Variants in CHID1 observed in about 807,000 individuals in gnomAD.
The protein encoded by CHID1 is chitinase domain-containing protein 1.
A neutral mutation model predicts 55.4 loss-of-function variants in CHID1; 44 were observed. The observed-to-expected ratio is 0.79, with a 90% confidence interval of 0.62 to 1.02. CHID1 has a LOEUF of 1.02. Ranked by LOEUF, CHID1 falls within the 50% of genes least tolerant of loss-of-function variation. The pLI is 0.00. For synonymous variants in CHID1, 216 were observed against 212.9 expected (o/e 1.01, Z -0.13); for missense variants, 491 against 515.3 (o/e 0.95, Z 0.46).
In CHID1 at chr11:902,837, C is replaced by T. The variant is rs571788606; in HGVS notation, c.261+125G>A. The T allele has an allele frequency of 3.7e-5, 33 of 891,062 alleles. No individual in the cohort carries two copies. The African/African-American group carries it at 5.5e-4, about 15-fold the overall frequency. 55.2% of individuals were successfully genotyped at this position (891,062 alleles called of 1,614,324 possible). Reference sequence around the variant, plus strand: ...CTCTCCCACCGTAGCCTCACAGCAGCAGCAGCTCCGGGAGATCAGAACATA... The same window carrying T: ...CTCTCCCACCGTAGCCTCACAGCAGTAGCAGCTCCGGGAGATCAGAACATA... On this transcript the variant is annotated intron_variant, in intron 3 of 12. Transcript: ENST00000323578.
chr11:893,744 T>C (rs1416579610), intron 7 of CHID1, among the ~76,000 whole-genome samples: 1 of 151,370 alleles, frequency 6.6e-6, no homozygotes, highest in African/African-American at 2.4e-5. Context: ...GCCTGTGCAG[T>C]ACCCCAGGAA....
intron 10 of CHID1, among the ~76,000 whole-genome samples, chr11:880,334 C>T (rs534812922): frequency 1.4e-4 from 21 of 152,240 alleles, no homozygotes; most frequent in Admixed American, 5.2e-4. Context: ...TCCGCCCCCG[C>T]AGCAGGGTCA....
chr11:898,085 C>T (rs568580909), intron 7 of CHID1, among the ~76,000 whole-genome samples: 2 of 152,322 alleles, frequency 1.3e-5, no homozygotes, highest in African/African-American at 2.4e-5. Flanking sequence ...GGGGCAGGGC[C>T]TGTACCGGCT....
intron 7 of CHID1, among the ~76,000 whole-genome samples, chr11:896,703 C>G (rs1171907497): frequency 1.5e-5 from 2 of 136,142 alleles, no homozygotes; most frequent in South Asian, 2.7e-4. Context: ...GCTGTCTCAG[C>G]ACCCCCAGCC....
chr11:870,722 G>A lies in CHID1; in HGVS notation c.960-223C>T, dbSNP rs186928388. 389 of 527,570 alleles carry A rather than the reference G, an allele frequency of 7.4e-4. 2 individuals are homozygous for A. In the East Asian group the frequency reaches 0.011, roughly 15 times the overall value. 32.7% of individuals were successfully genotyped at this position (527,570 alleles called of 1,614,324 possible). A position where few individuals can be genotyped will look rare whatever the true frequency, so the allele number is the denominator to read the frequency against. On this transcript the variant is annotated intron_variant, in intron 10 of 12. Transcript: ENST00000323578. Reference sequence around the variant, plus strand: ...AAAAACATCTTCCAGGAGCTTCCTCGGAAGAAGCCACCCCACCAAGTCCTT... The same window carrying A: ...AAAAACATCTTCCAGGAGCTTCCTCAGAAGAAGCCACCCCACCAAGTCCTT...
At chr11:896,201 C>G (rs1851272666) in intron 7 of CHID1, among the ~76,000 whole-genome samples, 1 of 144,296 alleles carries the variant, frequency 6.9e-6, no homozygotes, top group Non-Finnish European at 1.5e-5. Context: ...TCTCAGCACC[C>G]CCAGCCTCCA....
upstream of CHID1, chr11:911,411 G>C (rs1438753010): frequency 6.6e-6 from 1 of 152,198 alleles, no homozygotes; most frequent in East Asian, 1.9e-4. Flanking sequence ...TCAGCCCCTC[G>C]CGCTTGGATG....
At chr11:883,417 A>C in intron 9 of CHID1, 114 bp from the exon 10 acceptor site, 3 of 1,111,334 alleles carry the variant, frequency 2.7e-6, no homozygotes, top group Non-Finnish European at 3.9e-6. Context: ...TGACACCTCT[A>C]GAGAGTTGTA....
intron 1 of CHID1, among the ~76,000 whole-genome samples, chr11:905,798 T>C (rs1348005743): frequency 6.6e-6 from 1 of 152,104 alleles, no homozygotes; most frequent in Non-Finnish European, 1.5e-5. Flanking sequence ...TGGAGAAGGC[T>C]TTTCCAGCTA....
At chr11:886,012 G>C in intron 8 of CHID1, among the ~76,000 whole-genome samples, 1 of 152,016 alleles carries the variant, frequency 6.6e-6, no homozygotes, top group Non-Finnish European at 1.5e-5. Flanking sequence ...AGCCGGGCGT[G>C]GTGGTGGGCG....
chr11:892,751 A>G (rs930062440), intron 8 of CHID1, among the ~76,000 whole-genome samples: 1 of 152,218 alleles, frequency 6.6e-6, no homozygotes, highest in African/African-American at 2.4e-5. Context: ...AGCCCTGGAA[A>G]GCTTGGAGAG....
upstream of CHID1, chr11:914,914 G>A (rs1589926929): frequency 7.1e-6 from 2 of 283,612 alleles, no homozygotes; most frequent in East Asian, 2.3e-4. Context: ...TCGTGACTCT[G>A]TCCTGTTCTA....
intron 10 of CHID1, 60 bp from the exon 11 acceptor site, chr11:870,559 T>G: frequency 1.6e-6 from 2 of 1,238,430 alleles, no homozygotes; most frequent in Non-Finnish European, 2.3e-6. Flanking sequence ...CCCCACCCTG[T>G]ACCCCCAAAG....
chr11:908,967 G>T (rs1442998602), intron 1 of CHID1, among the ~76,000 whole-genome samples: 1 of 152,246 alleles, frequency 6.6e-6, no homozygotes. Context: ...TGAACACAAG[G>T]CCAGGGTACT....
upstream of CHID1, chr11:914,421 G>A (rs952874385): frequency 9.7e-6 from 8 of 827,052 alleles, no homozygotes; most frequent in East Asian, 4.5e-4. Flanking sequence ...GCATGGGGGG[G>A]ACAGAGTAGG....
intron 8 of CHID1, among the ~76,000 whole-genome samples, chr11:884,935 C>T (rs1850278535): frequency 6.6e-6 from 1 of 152,154 alleles, no homozygotes; most frequent in Non-Finnish European, 1.5e-5. Flanking sequence ...GCAGCCTTCC[C>T]GCCTGGCCCA....
chr11:907,795 G>A (rs1213575635), intron 1 of CHID1, among the ~76,000 whole-genome samples: 3 of 152,168 alleles, frequency 2.0e-5, no homozygotes, highest in African/African-American at 7.2e-5. Context: ...GGGAGCTCAG[G>A]CCCAAGAGGC....
chr11:903,979 C>G (rs1852021355), intron 2 of CHID1, among the ~76,000 whole-genome samples: 1 of 152,112 alleles, frequency 6.6e-6, no homozygotes, highest in Admixed American at 6.5e-5. Flanking sequence ...GCCTGCCACC[C>G]CCCTGGCCAA....
intron 7 of CHID1, 126 bp downstream of exon 7, chr11:899,214 C>T (rs1183017697): frequency 2.0e-5 from 18 of 901,032 alleles, no homozygotes; most frequent in Admixed American, 6.3e-5. Context: ...TGTGCAGCCC[C>T]GTCCCCACCC....
Sources: gnomAD v4.1 joint callset for allele counts (sites outside exome capture counted in the v4.1 genomes callset) on GRCh38, gnomAD v4.1.1 for gene constraint, MANE v1.5 for transcripts, NCBI Gene and HGNC (gene_info 2026-07-23, HGNC 2026-07-21) for gene names.